Variants in IGDCC4 observed in about 807,000 individuals in gnomAD.
The protein encoded by IGDCC4 is immunoglobulin superfamily DCC subclass member 4.
Under a neutral mutation model 116.6 loss-of-function variants are expected in IGDCC4, and 72 were observed. The ratio of observed to expected loss-of-function variants is 0.62; its 90% CI spans 0.51 to 0.75. The LOEUF (loss-of-function observed/expected upper bound fraction) is 0.75, where lower values mean the gene tolerates loss of function less well. Ranked by LOEUF, IGDCC4 falls within the 30% of genes least tolerant of loss-of-function variation. IGDCC4 has a pLI of 0.00. For synonymous variants in IGDCC4, 709 were observed against 719.9 expected, an observed-to-expected ratio of 0.98 and a Z score of 0.24; for missense variants, 1,501 against 1,662.4, an observed-to-expected ratio of 0.90 and a Z score of 1.69.
At chr15:65,400,974 C>T (rs1237369093) in intron 4 of IGDCC4, 28 bp from the exon 5 acceptor site, 1 of 1,613,706 alleles carries the variant, frequency 6.2e-7, no homozygotes, top group Non-Finnish European at 8.5e-7. Flanking sequence ...CAGCAGGCAG[C>T]CTTACCATTA....
At chr15:65,396,702 G>T in intron 6 of IGDCC4, 132 bp downstream of exon 6, 1 of 1,161,300 alleles carries the variant, frequency 8.6e-7, no homozygotes, top group South Asian at 1.5e-5. Context: ...CGCCTTACTA[G>T]GGACTCCTCC....
In IGDCC4 at chr15:65,396,894, G is replaced by T. The variant is rs143694749; in HGVS notation, c.937C>A (p.Arg313Ser). The change falls in exon 6 of 20, where the codon CGC becomes AGC. Residue 313 changes from arginine to serine, a missense_variant. Arg to Ser is a moderately radical substitution (Grantham distance 110). This residue lies in a region of IGDCC4 where 898 missense variants were observed against 978.9 expected (regional missense o/e 0.92). Coordinates refer to ENST00000352385, the MANE Select transcript of IGDCC4 (RefSeq NM_020962.3). ...TCGCGCGTGCGGGGCTTGTTGGCGCGGCAGACATAGACGCCGGAGTGCCAG... is the reference window on the plus strand; with the variant it reads ...TCGCGCGTGCGGGGCTTGTTGGCGCTGCAGACATAGACGCCGGAGTGCCAG... The part of the protein sequence containing the change: ...QPWHSGVYVC[R>S]ANKPRTRDFA... 3 of 1,574,846 alleles carry T rather than the reference G, an allele frequency of 1.9e-6. No individual in the cohort carries two copies. The highest frequency in any genetic ancestry group is 1.3e-5 in the African/African-American group (1 of 74,344).
intron 1 of IGDCC4, among the ~76,000 whole-genome samples, chr15:65,414,385 T>A (rs1023562337): frequency 6.6e-6 from 1 of 152,212 alleles, no homozygotes; most frequent in African/African-American, 2.4e-5. Context: ...TGCATTCTAG[T>A]TGGGGAAACC....
chr15:65,396,852 C>T lies in IGDCC4; in HGVS notation c.979G>A (p.Ala327Thr), dbSNP rs760865195. ...PRTRDFATAA[A>T]ELRVLAAPAI... Reference sequence around the variant, plus strand: ...GCCTCACCCAGCACACGGAGCTCAGCGGCTGCAGTGGCGAAGTCGCGCGTG... The same window carrying T: ...GCCTCACCCAGCACACGGAGCTCAGTGGCTGCAGTGGCGAAGTCGCGCGTG... The change falls in exon 6 of 20, where the codon GCT becomes ACT. Residue 327 changes from alanine (A) to threonine (T), a missense_variant. Around this residue, in one of 3 missense-constraint regions of IGDCC4, gnomAD observed 898 missense variants for 978.9 expected, o/e 0.92. Transcript: ENST00000352385. 1.3e-6 allele frequency: 2 copies of T among 1,574,556 alleles called. No individual in the cohort carries two copies. The highest frequency in any genetic ancestry group is 1.7e-6 in the Non-Finnish European group (2 of 1,160,184).
chr15:65,411,163 AG>A lies in IGDCC4; in HGVS notation c.277del (p.Leu93CysfsTer7). The stretch of plus-strand genomic sequence containing the variant: ...GGGTGCTAGTGGCTGGGACAGCCAC[AG>A]GGAACCATTGGGCAGCAGGTGTAAG... ...DHLHLLPNGS[L>X]WLSQPLAPNG... is the part of the protein sequence containing the mutation. On this transcript the variant is annotated frameshift_variant, in exon 2 of 20. Coordinates refer to ENST00000352385, the MANE Select transcript of IGDCC4 (RefSeq NM_020962.3). LOFTEE classifies it high-confidence loss of function. 6.2e-7 allele frequency: 1 copy of A among 1,614,196 alleles called. No individual in the cohort carries two copies. The highest frequency in any genetic ancestry group is 8.5e-7 in the Non-Finnish European group (1 of 1,180,028).
At position 65,393,287 on chromosome 15, in the gene IGDCC4, C is replaced by A; in HGVS notation, c.1885+74G>T. 6.9e-7 allele frequency: 1 copy of A among 1,449,448 alleles called. No homozygotes were observed. The allele number at this position is 1,449,448 out of a possible 1,614,324, so 89.8% of individuals were successfully genotyped here. A position where few individuals can be genotyped will look rare whatever the true frequency, so the allele number is the denominator to read the frequency against. ...TGGAGGGCGGGGCCAGGGGGTGGGG[C>A]GCTGGGTCCCAAGGACACACGCACA... is the stretch of plus-strand genomic sequence containing the variant. On this transcript the variant is annotated intron_variant, in intron 10 of 19. Coordinates refer to ENST00000352385, the MANE Select transcript of IGDCC4 (RefSeq NM_020962.3). The surrounding 1 kb of genome is among the most constrained non-coding windows in gnomAD (Gnocchi z 4.6).
At position 65,382,521 on chromosome 15, in the gene IGDCC4, ATT is replaced by A. The variant is rs1164344712; in HGVS notation, c.*1486_*1487del. 6.6e-6 allele frequency: 1 copy of A among 152,598 alleles called. No individual in the cohort carries two copies. Among genetic ancestry groups the A allele is most frequent in the Non-Finnish European group, 1.5e-5 (1 of 68,024 alleles). The allele number at this position is 152,598 out of a possible 1,614,324, so 9.5% of individuals were successfully genotyped here. On this transcript the variant is annotated 3_prime_UTR_variant, in exon 20 of 20. Coordinates refer to ENST00000352385, the MANE Select transcript of IGDCC4 (RefSeq NM_020962.3). ...ATCATTAGGGAGTAAAGACCCTAAC[ATT>A]CTATGCTCCTATGAGAGGGCTGAGG...
At chr15:65,410,695 C>A in intron 2 of IGDCC4, 1 of 470,688 alleles carries the variant, frequency 2.1e-6, no homozygotes, top group Non-Finnish European at 3.8e-6. Flanking sequence ...CAGGAGCTCC[C>A]TTAGGAGGCA....
At chr15:65,392,556 G>C (rs535250159) in intron 10 of IGDCC4, among the ~76,000 whole-genome samples, 186 bp from the exon 11 acceptor site, 1 of 152,286 alleles carries the variant, frequency 6.6e-6, no homozygotes, top group East Asian at 1.9e-4. Flanking sequence ...TGCCAGTCCT[G>C]GGCTTGGTCT....
At position 65,411,318 on chromosome 15, in the gene IGDCC4, C is replaced by T. The variant is rs767095273; in HGVS notation, c.123G>A (p.Gly41=). 1 of 1,605,950 alleles carries T rather than the reference C, an allele frequency of 6.2e-7. No individual in the cohort carries two copies. The highest frequency in any genetic ancestry group is 1.1e-5 in the South Asian group (1 of 90,048). Reference sequence around the variant, plus strand: ...CTGGGCCCAGGATCACTTGCAGTGGCCCCACTCCACAGCTCAGCTCCACAG... The same window carrying T: ...CTGGGCCCAGGATCACTTGCAGTGGTCCCACTCCACAGCTCAGCTCCACAG... The part of the protein sequence containing the change: ...ETTVELSCGV[G]PLQVILGPEQ... Residue 41 remains glycine, a synonymous_variant, in exon 2 of 20, where the codon GGG becomes GGA. Coordinates refer to ENST00000352385, the MANE Select transcript of IGDCC4 (RefSeq NM_020962.3).
At position 65,384,288 on chromosome 15, in the gene IGDCC4, G is replaced by C; in HGVS notation, c.3474C>G (p.Pro1158=). ...TGAGATCAGGAGCCTCTGGAGGCAG[G>C]GGGTCCTCAGGCTCCAGGTCTTGGA... is the stretch of plus-strand genomic sequence containing the variant. ...LHLQDLEPED[P]LPPEAPDLIS... The change falls in exon 20 of 20, where the codon CCC becomes CCG. Residue 1158 remains proline (P), a synonymous_variant. Coordinates refer to ENST00000352385, the MANE Select transcript of IGDCC4 (RefSeq NM_020962.3). This position sits in a 1 kb window ranked among gnomAD's most constrained non-coding sequence, Gnocchi z 4.9. The C allele has an allele frequency of 6.2e-7, 1 of 1,607,744 alleles. No individual in the cohort carries two copies. Among genetic ancestry groups the C allele is most frequent in the Non-Finnish European group, 8.5e-7 (1 of 1,176,764 alleles).
intron 1 of IGDCC4, among the ~76,000 whole-genome samples, chr15:65,416,720 C>T (rs913421145): frequency 6.6e-6 from 1 of 152,158 alleles, no homozygotes; most frequent in Non-Finnish European, 1.5e-5. Context: ...GGGGGCCACC[C>T]CTCCCATAAT....
chr15:65,397,185 G>C (rs371864970), intron 5 of IGDCC4, among the ~76,000 whole-genome samples, 196 bp from the exon 6 acceptor site: 5 of 152,306 alleles, frequency 3.3e-5, no homozygotes, highest in African/African-American at 1.2e-4. Flanking sequence ...CCCTTAACTG[G>C]CAGGGTTTCC....
chr15:65,396,322 G>T, intron 6 of IGDCC4, 159 bp from the exon 7 acceptor site: 1 of 804,204 alleles, frequency 1.2e-6, no homozygotes, highest in Non-Finnish European at 2.1e-6. Context: ...CTCCGGCTCA[G>T]CGCAGACCTA....
At chr15:65,396,288 C>T in intron 6 of IGDCC4, 125 bp from the exon 7 acceptor site, 1 of 1,038,576 alleles carries the variant, frequency 9.6e-7, no homozygotes, top group African/African-American at 1.6e-5. Context: ...TTTAACCTCT[C>T]CCTGATTCAC....
In IGDCC4 at chr15:65,388,440, T is replaced by C. The variant is rs1274728585; in HGVS notation, c.2845+9A>G. ...ATCCAGGGAAACCTGGGCTGCCCTG[T>C]GCTCATACCTGACAGCTTCTCCTGG... On this transcript the variant is annotated intron_variant, in intron 16 of 19. Transcript: ENST00000352385. 1 of 1,613,924 alleles carries C rather than the reference T, an allele frequency of 6.2e-7. No individual in the cohort carries two copies. The highest frequency in any genetic ancestry group is 8.5e-7 in the Non-Finnish European group (1 of 1,180,040).
intron 1 of IGDCC4, among the ~76,000 whole-genome samples, chr15:65,419,961 T>G (rs1196404333): frequency 6.6e-6 from 1 of 152,190 alleles, no homozygotes; most frequent in African/African-American, 2.4e-5. Context: ...GTGTTTGTTT[T>G]TTTGAGACAG....
chr15:65,410,147 A>T, intron 3 of IGDCC4, 31 bp downstream of exon 3: 1 of 1,610,306 alleles, frequency 6.2e-7, no homozygotes, highest in Non-Finnish European at 8.5e-7. Flanking sequence ...TGCCCTGCCT[A>T]CCAGGACCCG....
At chr15:65,388,077 C>G (rs911198929) in intron 16 of IGDCC4, among the ~76,000 whole-genome samples, 3 of 152,030 alleles carry the variant, frequency 2.0e-5, no homozygotes, top group African/African-American at 7.2e-5. Context: ...AATCCTGTCT[C>G]TACTAAAAAT....
Sources: gnomAD v4.1 joint callset for allele counts (sites outside exome capture counted in the v4.1 genomes callset) on GRCh38, gnomAD v4.1.1 for gene constraint, gnomAD v4.1.1 regional missense constraint, Gnocchi (gnomAD v3.1) non-coding constraint, MANE v1.5 for transcripts, NCBI Gene and HGNC (gene_info 2026-07-23, HGNC 2026-07-21) for gene names.